Variants in SORCS2 observed in about 807,000 individuals in gnomAD.
SORCS2 encodes VPS10 domain-containing receptor SorCS2.
In SORCS2, 100 loss-of-function variants were observed where a neutral mutation model predicts 141.6. The ratio of observed to expected loss-of-function variants is 0.71; its 90% CI spans 0.60 to 0.83. SORCS2 has a LOEUF of 0.83. Among genes scored for constraint, SORCS2 ranks in the 40% least tolerant of loss-of-function variants. The pLI is 0.00. For synonymous variants in SORCS2, 789 were observed against 676.9 expected (o/e 1.17, Z -2.57); for missense variants, 1,646 against 1,560.2 (o/e 1.05, Z -0.93).
intron 1 of SORCS2, among the ~76,000 whole-genome samples, chr4:7,224,825 G>A (rs1728906517): frequency 6.6e-6 from 1 of 152,220 alleles, no homozygotes; most frequent in Admixed American, 6.5e-5. Flanking sequence ...CTGGGGCTTG[G>A]TCCTCTCTCA....
intron 3 of SORCS2, among the ~76,000 whole-genome samples, chr4:7,561,041 C>G (rs373291780): frequency 3.9e-5 from 6 of 152,208 alleles, no homozygotes; most frequent in African/African-American, 1.4e-4. Context: ...TGACTGGACC[C>G]CAGGCCCTCT....
intron 1 of SORCS2, among the ~76,000 whole-genome samples, chr4:7,365,759 G>A (rs987102355): frequency 1.3e-5 from 2 of 152,182 alleles, no homozygotes; most frequent in African/African-American, 4.8e-5. Flanking sequence ...TGCCAGGGCT[G>A]CGCTAATGAT....
At chr4:7,710,511 A>G (rs1250803154) in intron 14 of SORCS2, among the ~76,000 whole-genome samples, 1 of 152,198 alleles carries the variant, frequency 6.6e-6, no homozygotes, top group African/African-American at 2.4e-5. Context: ...CTAAAAAATC[A>G]TTTCTTAAGT....
intron 1 of SORCS2, among the ~76,000 whole-genome samples, chr4:7,344,750 C>G (rs935660340): frequency 2.0e-5 from 3 of 152,190 alleles, no homozygotes; most frequent in African/African-American, 7.2e-5. Context: ...GTTTTGGGGA[C>G]TGAGGCCTAA....
At chr4:7,262,630 A>T (rs10937796) in intron 1 of SORCS2, among the ~76,000 whole-genome samples, 24,202 of 152,272 alleles carry the variant, frequency 0.16, 2,014 homozygotes, top group Middle Eastern at 0.21. Context: ...ATCGGCAAGA[A>T]GCTGACTGGG....
At chr4:7,343,432 C>T (rs973825815) in intron 1 of SORCS2, among the ~76,000 whole-genome samples, 1 of 152,252 alleles carries the variant, frequency 6.6e-6, no homozygotes, top group African/African-American at 2.4e-5. Flanking sequence ...CCTGTCCCCA[C>T]ACTGGAACAG....
chr4:7,618,552 C>T (rs926191304), intron 3 of SORCS2, among the ~76,000 whole-genome samples: 24 of 152,190 alleles, frequency 1.6e-4, no homozygotes, highest in African/African-American at 5.8e-4. Context: ...TTCTGCTCGC[C>T]CCTTCATGCC....
intron 3 of SORCS2, among the ~76,000 whole-genome samples, chr4:7,592,608 C>T (rs372426963): frequency 9.9e-5 from 15 of 152,210 alleles, no homozygotes; most frequent in Admixed American, 2.0e-4. Flanking sequence ...GGTCTCTCCC[C>T]GTCTCAACAA....
At chr4:7,333,629 G>A (rs1037166398) in intron 1 of SORCS2, among the ~76,000 whole-genome samples, 5 of 152,102 alleles carry the variant, frequency 3.3e-5, no homozygotes, top group South Asian at 2.1e-4. Context: ...GACTGGCCAG[G>A]CCCCTGACTG....
chr4:7,691,616 A>G (rs1039730341), intron 11 of SORCS2, among the ~76,000 whole-genome samples: 6 of 152,012 alleles, frequency 3.9e-5, no homozygotes, highest in Non-Finnish European at 8.8e-5. Context: ...TGCCCCCACA[A>G]TGATCAACGA....
intron 2 of SORCS2, chr4:7,434,533 G>A (rs753546282): frequency 4.7e-5 from 76 of 1,612,956 alleles, no homozygotes; most frequent in Non-Finnish European, 6.2e-5. Context: ...CAGGATGGCC[G>A]AACTGTGGGC....
intron 2 of SORCS2, among the ~76,000 whole-genome samples, chr4:7,519,935 C>T (rs1275263917): frequency 6.6e-6 from 1 of 152,234 alleles, no homozygotes; most frequent in East Asian, 1.9e-4. Context: ...GCATCAGTCA[C>T]TTGTAAAGGA....
chr4:7,434,812 G>C, intron 2 of SORCS2: 1 of 1,606,674 alleles, frequency 6.2e-7, no homozygotes, highest in Non-Finnish European at 8.5e-7. Flanking sequence ...ACACTCCTGG[G>C]GGCCTGAGGT....
intron 3 of SORCS2, among the ~76,000 whole-genome samples, chr4:7,542,323 CCTT>C (rs1162151659): frequency 1.3e-5 from 2 of 152,218 alleles, no homozygotes; most frequent in African/African-American, 2.4e-5. Context: ...GCCAATGTGT[CCTT>C]CTTTGGGAAT....
chr4:7,686,021 A>G (rs910328110), intron 10 of SORCS2, among the ~76,000 whole-genome samples: 15 of 152,252 alleles, frequency 9.9e-5, no homozygotes, highest in African/African-American at 3.6e-4. Flanking sequence ...TTTCGCTCAT[A>G]CACACGTTAT....
chr4:7,520,297 G>A (rs567408589), intron 2 of SORCS2, among the ~76,000 whole-genome samples: 4 of 152,340 alleles, frequency 2.6e-5, no homozygotes, highest in African/African-American at 7.2e-5. Context: ...TATAGATAGC[G>A]AGGGATTCGC....
chr4:7,562,940 T>C (rs140650955), intron 3 of SORCS2, among the ~76,000 whole-genome samples: 33 of 152,374 alleles, frequency 2.2e-4, no homozygotes, highest in Non-Finnish European at 3.7e-4. Context: ...TCACTAATTA[T>C]ATCTGCAAAG....
intron 2 of SORCS2, among the ~76,000 whole-genome samples, chr4:7,396,947 AT>A (rs1222702690): frequency 6.6e-6 from 1 of 152,140 alleles, no homozygotes; most frequent in Non-Finnish European, 1.5e-5. Context: ...CCTCCTCAAT[AT>A]TTACATCCAC....
At chr4:7,468,742 C>G (rs952373255) in intron 2 of SORCS2, among the ~76,000 whole-genome samples, 5 of 152,206 alleles carry the variant, frequency 3.3e-5, no homozygotes, top group Admixed American at 3.3e-4. Flanking sequence ...TTGACAGATT[C>G]TTATTGTCAG....
Sources: gnomAD v4.1 joint callset for allele counts (sites outside exome capture counted in the v4.1 genomes callset) on GRCh38, gnomAD v4.1.1 for gene constraint, MANE v1.5 for transcripts, NCBI Gene and HGNC (gene_info 2026-07-23, HGNC 2026-07-21) for gene names.